The following FMN2 variants were observed in gnomAD, a reference collection of about 807,000 sequenced individuals.
The protein encoded by FMN2 is formin 2.
FMN2 carries 51 observed loss-of-function variants against 142.3 expected under a neutral mutation model. The ratio of observed to expected loss-of-function variants is 0.36; its 90% CI spans 0.29 to 0.45. FMN2 has a LOEUF of 0.45. Among genes scored for constraint, FMN2 ranks in the 20% least tolerant of loss-of-function variants. The pLI, the probability that FMN2 is intolerant of heterozygous loss-of-function variation, is 1.00. For missense variants in FMN2, 1,936 were observed against 2,122.8 expected, an observed-to-expected ratio of 0.91 and a Z score of 1.73; for synonymous variants, 882 against 869.8, an observed-to-expected ratio of 1.01 and a Z score of -0.25.
At chr1:240,133,032 T>C (rs1000334727) in intron 2 of FMN2, among the ~76,000 whole-genome samples, 1 of 152,156 alleles carries the variant, frequency 6.6e-6, no homozygotes, top group African/African-American at 2.4e-5. Flanking sequence ...TTCTAGTGGG[T>C]AGAGACTGGG....
chr1:240,256,677 G>A (rs1304640745), intron 6 of FMN2, among the ~76,000 whole-genome samples: 1 of 152,086 alleles, frequency 6.6e-6, no homozygotes, highest in Non-Finnish European at 1.5e-5. Flanking sequence ...CTTGAACTCA[G>A]GAGGCGGAGG....
At chr1:240,152,559 CTCT>C (rs1271554744) in intron 2 of FMN2, among the ~76,000 whole-genome samples, 4 of 152,182 alleles carry the variant, frequency 2.6e-5, no homozygotes, top group African/African-American at 9.7e-5. Flanking sequence ...ATACCACGCT[CTCT>C]TCTTCTTACG....
intron 7 of FMN2, among the ~76,000 whole-genome samples, chr1:240,268,215 G>C (rs746782524): frequency 4.6e-5 from 7 of 152,006 alleles, no homozygotes; most frequent in Non-Finnish European, 7.4e-5. Context: ...TAAGTTCAAG[G>C]GGAACATGTC....
intron 14 of FMN2, among the ~76,000 whole-genome samples, chr1:240,380,881 A>G (rs1673204552): frequency 6.6e-6 from 1 of 152,186 alleles, no homozygotes; most frequent in Admixed American, 6.5e-5. Context: ...AATAAGCACA[A>G]TCAGAAATGA....
chr1:240,226,822 A>G (rs1363221914), intron 6 of FMN2, among the ~76,000 whole-genome samples: 1 of 151,754 alleles, frequency 6.6e-6, no homozygotes, highest in Non-Finnish European at 1.5e-5. Flanking sequence ...ACACACACAC[A>G]CACACACACA....
chr1:240,447,267 A>G (rs1675856149), intron 16 of FMN2, among the ~76,000 whole-genome samples: 1 of 152,034 alleles, frequency 6.6e-6, no homozygotes, highest in African/African-American at 2.4e-5. Context: ...GTGTTGGGGG[A>G]TGTTGGGAGG....
chr1:240,300,416 G>A (rs1332283776), intron 8 of FMN2, among the ~76,000 whole-genome samples: 5 of 152,068 alleles, frequency 3.3e-5, no homozygotes, highest in Non-Finnish European at 7.4e-5. Flanking sequence ...ACAAATATAG[G>A]AACATTAAGC....
At chr1:240,372,885 A>T (rs916183387) in intron 14 of FMN2, among the ~76,000 whole-genome samples, 1 of 152,190 alleles carries the variant, frequency 6.6e-6, no homozygotes, top group Non-Finnish European at 1.5e-5. Flanking sequence ...TTTAAAATAT[A>T]TTTAAAAATG....
rs370186021 is a variant in FMN2, at chr1:240,333,869, T to G, written c.4585-18T>G. ...AGTTAAAAAATATATTGTCACTGAC[T>G]TTGGTCTTTCTGCCTAGGACAATAG... On this transcript the variant is annotated intron_variant, in intron 11 of 17. Transcript: ENST00000319653. The G allele has an allele frequency of 6.3e-7, 1 of 1,578,662 alleles. No individual in the cohort carries two copies. The highest frequency in any genetic ancestry group is 8.6e-7 in the Non-Finnish European group (1 of 1,165,650).
chr1:240,438,178 G>A lies in FMN2; in HGVS notation c.5028G>A (p.Trp1676Ter). The A allele has an allele frequency of 6.2e-7, 1 of 1,613,776 alleles. No homozygotes were observed. The highest frequency in any genetic ancestry group is 8.5e-7 in the Non-Finnish European group (1 of 1,179,922). The change falls in exon 16 of 18, where the codon TGG (tryptophan) becomes TGA (stop). Residue 1676 changes from tryptophan (W) to a stop codon, truncating the protein, a stop_gained. Transcript: ENST00000319653. LOFTEE classifies it high-confidence loss of function. ...HEFSSDFKDFWKKENKLLLQE... is the reference protein window; with the variant it reads ...HEFSSDFKDF ...TCAGCTCTGACTTTAAAGACTTCTG[G>A]AAGAAAGAGAACAAACTTCTTCTAC... is the stretch of plus-strand genomic sequence containing the variant.
chr1:240,428,633 A>T (rs1168533604), intron 15 of FMN2, among the ~76,000 whole-genome samples: 2 of 152,148 alleles, frequency 1.3e-5, no homozygotes, highest in African/African-American at 2.4e-5. Context: ...TTTTTCCTCG[A>T]GACCTGGATT....
chr1:240,454,896 A>G (rs1203539166), intron 16 of FMN2, among the ~76,000 whole-genome samples: 1 of 152,168 alleles, frequency 6.6e-6, no homozygotes, highest in African/African-American at 2.4e-5. Context: ...GGGCCAACAA[A>G]TGAATGGACG....
At chr1:240,446,176 C>T (rs545351900) in intron 16 of FMN2, among the ~76,000 whole-genome samples, 24 of 152,266 alleles carry the variant, frequency 1.6e-4, no homozygotes, top group Middle Eastern at 3.4e-3. Context: ...AAAGCCCTAA[C>T]GTGAAGATTA....
chr1:240,394,683 C>T (rs1673712346), intron 15 of FMN2, among the ~76,000 whole-genome samples: 1 of 152,134 alleles, frequency 6.6e-6, no homozygotes, highest in African/African-American at 2.4e-5. Context: ...CTTCAGAGAA[C>T]AGGGTCGGGC....
At chr1:240,233,132 G>A (rs1667584656) in intron 6 of FMN2, among the ~76,000 whole-genome samples, 1 of 152,138 alleles carries the variant, frequency 6.6e-6, no homozygotes, top group South Asian at 2.1e-4. Context: ...TGTAATCCCA[G>A]CACTTTGGGA....
intron 1 of FMN2, among the ~76,000 whole-genome samples, chr1:240,103,912 C>G (rs141298303): frequency 4.1e-4 from 62 of 151,748 alleles, no homozygotes; most frequent in African/African-American, 1.5e-3. Flanking sequence ...GAGTCTTGCT[C>G]TATCCCCAGG....
At chr1:240,325,089 GA>G (rs1179645078) in intron 8 of FMN2, among the ~76,000 whole-genome samples, 1 of 152,052 alleles carries the variant, frequency 6.6e-6, no homozygotes, top group Non-Finnish European at 1.5e-5. Context: ...GTTGAAGGGG[GA>G]AAATGAAGGG....
At chr1:240,311,652 G>C (rs1251552003) in intron 8 of FMN2, among the ~76,000 whole-genome samples, 1 of 152,084 alleles carries the variant, frequency 6.6e-6, no homozygotes, top group African/African-American at 2.4e-5. Context: ...GTGTGACACT[G>C]CCTGTCACAT....
At chr1:240,272,064 T>TA (rs1203498338) in intron 7 of FMN2, among the ~76,000 whole-genome samples, 1 of 152,172 alleles carries the variant, frequency 6.6e-6, no homozygotes, top group Non-Finnish European at 1.5e-5. Context: ...TCATTGTACT[T>TA]ACTGTCTGAA....
Sources: allele counts gnomAD v4.1 joint callset (sites outside exome capture counted in the v4.1 genomes callset), GRCh38; gene constraint gnomAD v4.1.1; transcripts MANE v1.5; gene names NCBI Gene and HGNC (gene_info 2026-07-23, HGNC 2026-07-21).